The following NRP2 variants were observed in gnomAD, a reference collection of about 807,000 sequenced individuals.
NRP2 encodes the protein neuropilin 2.
In NRP2, 52 loss-of-function variants were observed where a neutral mutation model predicts 110.4. That is an observed-to-expected ratio of 0.47 (90% CI 0.38 to 0.59). The LOEUF (loss-of-function observed/expected upper bound fraction) is 0.59, where lower values mean the gene tolerates loss of function less well. Among genes scored for constraint, NRP2 ranks in the 20% least tolerant of loss-of-function variants. The pLI, the probability that NRP2 is intolerant of heterozygous loss-of-function variation, is 0.00. For missense variants in NRP2, 1,049 were observed against 1,203.0 expected (o/e 0.87, Z 1.89); for synonymous variants, 508 against 468.9 (o/e 1.08, Z -1.08).
chr2:205,698,397 T>A (rs2105890542), intron 2 of NRP2, among the ~76,000 whole-genome samples: 1 of 152,152 alleles, frequency 6.6e-6, no homozygotes, highest in East Asian at 1.9e-4. Context: ...TTAGTGCCAT[T>A]ATGATCTCCA....
chr2:205,731,230 C>G (rs993456935), intron 7 of NRP2, among the ~76,000 whole-genome samples: 7 of 152,210 alleles, frequency 4.6e-5, no homozygotes, highest in Non-Finnish European at 7.3e-5. Flanking sequence ...TTAGATTATA[C>G]AAATTGCTTT....
chr2:205,711,392 T>A (rs1427761941), intron 2 of NRP2, among the ~76,000 whole-genome samples: 2 of 151,884 alleles, frequency 1.3e-5, no homozygotes, highest in Admixed American at 1.3e-4. Flanking sequence ...AAGATGATGG[T>A]GAGATAGAGA....
intron 15 of NRP2, among the ~76,000 whole-genome samples, chr2:205,780,227 G>A (rs1276317424): frequency 6.6e-6 from 1 of 152,190 alleles, no homozygotes; most frequent in East Asian, 1.9e-4. Context: ...GGAACTTGTA[G>A]CATGTTCAGG....
intron 15 of NRP2, among the ~76,000 whole-genome samples, chr2:205,769,792 T>C (rs1241879817): frequency 1.3e-5 from 2 of 152,124 alleles, no homozygotes; most frequent in South Asian, 4.1e-4. Flanking sequence ...TTTCTAGGAT[T>C]TGAGCTTTAA....
intron 15 of NRP2, among the ~76,000 whole-genome samples, chr2:205,783,686 T>C (rs970138026): frequency 8.5e-5 from 13 of 152,198 alleles, no homozygotes; most frequent in Non-Finnish European, 1.8e-4. Flanking sequence ...TAGGCAAAGC[T>C]ACTAGCCCCC....
At chr2:205,707,848 G>T (rs1472394380) in intron 2 of NRP2, among the ~76,000 whole-genome samples, 2 of 152,144 alleles carry the variant, frequency 1.3e-5, no homozygotes, top group African/African-American at 4.8e-5. Context: ...AAGGGGCACT[G>T]CCAGCACACC....
chr2:205,776,527 G>A (rs1184327692), intron 15 of NRP2: 1 of 1,602,814 alleles, frequency 6.2e-7, no homozygotes, highest in South Asian at 1.1e-5. Flanking sequence ...GCACTGCTGA[G>A]GGCCGAAGCA....
At chr2:205,709,825 A>G (rs1204376100) in intron 2 of NRP2, among the ~76,000 whole-genome samples, 1 of 152,230 alleles carries the variant, frequency 6.6e-6, no homozygotes, top group Non-Finnish European at 1.5e-5. Context: ...TTAAGAGCTT[A>G]TAAATATATG....
At chr2:205,736,587 C>A (rs2057347484) in intron 7 of NRP2, among the ~76,000 whole-genome samples, 1 of 152,158 alleles carries the variant, frequency 6.6e-6, no homozygotes, top group African/African-American at 2.4e-5. Flanking sequence ...TTACTTGTGA[C>A]CTGGCTTACA....
intron 15 of NRP2, among the ~76,000 whole-genome samples, chr2:205,775,638 G>T (rs1011591132): frequency 1.3e-5 from 2 of 152,216 alleles, no homozygotes; most frequent in African/African-American, 4.8e-5. Flanking sequence ...AATTTCAATG[G>T]GCACAGAAGC....
chr2:205,756,299 G>A (rs2057733838), intron 12 of NRP2, among the ~76,000 whole-genome samples: 1 of 152,130 alleles, frequency 6.6e-6, no homozygotes, highest in African/African-American at 2.4e-5. Flanking sequence ...GCTTTCCTCT[G>A]TAGTGACAAT....
intron 6 of NRP2, 74 bp downstream of exon 6, chr2:205,726,156 A>G (rs915113755): frequency 2.8e-6 from 4 of 1,448,944 alleles, no homozygotes; most frequent in East Asian, 2.3e-5. Context: ...CCTCAAATAC[A>G]GTAGGCAGAG....
rs943303804 is a variant in NRP2 at position 205,766,586 on chromosome 2, G to A, written c.2405-197G>A. Among the ~76,000 whole-genome samples the A allele has an allele frequency of 7.2e-5, 11 of 152,024 alleles. No homozygotes were observed. In the East Asian group the frequency reaches 1.2e-3, roughly 16 times the overall value. ...CAACTTTGAGAATCCCCCCTCCTCC[G>A]CCATCACCACCCCATGATGATGATG... On this transcript the variant is annotated intron_variant, in intron 14 of 16. Transcript: ENST00000357785.
intron 3 of NRP2, among the ~76,000 whole-genome samples, chr2:205,718,559 G>C (rs1203425846): frequency 6.6e-6 from 1 of 152,164 alleles, no homozygotes; most frequent in Non-Finnish European, 1.5e-5. Flanking sequence ...ATGTAAGAGA[G>C]CAGATGAGAG....
rs1386241680 is a variant in NRP2, at chr2:205,797,876, G to A, written c.*2818G>A. The A allele has an allele frequency of 6.5e-6, 1 of 152,698 alleles. No individual in the cohort carries two copies. The highest frequency in any genetic ancestry group is 2.4e-5 in the African/African-American group (1 of 41,456). The allele number at this position is 152,698 out of a possible 1,614,324, so 9.5% of individuals were successfully genotyped here. A position where few individuals can be genotyped will look rare whatever the true frequency, so the allele number is the denominator to read the frequency against. ...TTGGTGGGGCAGGGGAGTTGACAGG[G>A]ATGAGGGTCCAAGGAATAAGCATGA... On this transcript the variant is annotated 3_prime_UTR_variant, in exon 17 of 17. Coordinates refer to ENST00000357785, the MANE Select transcript of NRP2 (RefSeq NM_003872.3).
At position 205,683,281 on chromosome 2, in the gene NRP2, C is replaced by G; in HGVS notation, c.-10C>G. The G allele has an allele frequency of 6.2e-7, 1 of 1,610,418 alleles. No homozygotes were observed. The highest frequency in any genetic ancestry group is 1.1e-5 in the South Asian group (1 of 90,748). On this transcript the variant is annotated 5_prime_UTR_variant, in exon 1 of 17. Coordinates refer to ENST00000357785, the MANE Select transcript of NRP2 (RefSeq NM_003872.3). The stretch of plus-strand genomic sequence containing the variant: ...CGAACCCAGCTCTGGAAAGAGCCAC[C>G]TTCTCCAAAATGGATATGTTTCCTC...
intron 7 of NRP2, among the ~76,000 whole-genome samples, chr2:205,730,707 T>A (rs936978077): frequency 6.6e-6 from 1 of 152,106 alleles, no homozygotes. Context: ...CAATGCAGCA[T>A]ACCAAAGACC....
intron 2 of NRP2, among the ~76,000 whole-genome samples, chr2:205,712,032 A>C (rs547290886): frequency 1.3e-5 from 2 of 152,280 alleles, no homozygotes; most frequent in South Asian, 4.1e-4. Flanking sequence ...AATTAACTTC[A>C]CTGTCAAAAT....
intron 5 of NRP2, among the ~76,000 whole-genome samples, chr2:205,724,296 T>A (rs2057081790): frequency 6.6e-6 from 1 of 152,226 alleles, no homozygotes; most frequent in African/African-American, 2.4e-5. Flanking sequence ...AACATTTTTT[T>A]AGTCTGTGGC....
Sources: allele counts gnomAD v4.1 joint callset (sites outside exome capture counted in the v4.1 genomes callset), GRCh38; gene constraint gnomAD v4.1.1; transcripts MANE v1.5; gene names NCBI Gene and HGNC (gene_info 2026-07-23, HGNC 2026-07-21).